Variants in CDH18 observed in about 807,000 individuals in gnomAD.
The protein encoded by CDH18 is cadherin 18, also known as cadherin-18.
Under a neutral mutation model 67.9 loss-of-function variants are expected in CDH18, and 31 were observed. The ratio of observed to expected loss-of-function variants is 0.46; its 90% CI spans 0.34 to 0.62. The LOEUF is 0.62. CDH18 is among the 20% of genes least tolerant of loss of function. The pLI is 0.01. For missense variants in CDH18, 890 were observed against 975.5 expected (o/e 0.91, Z 1.17); for synonymous variants, 362 against 347.2 (o/e 1.04, Z -0.48).
At chr5:19,630,048 T>C (rs1752183831) in intron 5 of CDH18, among the ~76,000 whole-genome samples, 2 of 152,144 alleles carry the variant, frequency 1.3e-5, no homozygotes, top group African/African-American at 4.8e-5. Context: ...GCAATTCTCC[T>C]GCCTCAGCCT....
intron 8 of CDH18, among the ~76,000 whole-genome samples, chr5:19,570,036 C>G (rs972159264): frequency 6.6e-6 from 1 of 151,978 alleles, no homozygotes; most frequent in Admixed American, 6.6e-5. Flanking sequence ...ATATCATGAC[C>G]TATCTCTATT....
chr5:20,173,942 A>C (rs1285569516), intron 2 of CDH18, among the ~76,000 whole-genome samples: 1 of 152,152 alleles, frequency 6.6e-6, no homozygotes, highest in Non-Finnish European at 1.5e-5. Flanking sequence ...AATTAATGCT[A>C]ACATGATTAA....
At chr5:19,850,401 A>G (rs1256860538) in intron 2 of CDH18, among the ~76,000 whole-genome samples, 1 of 151,888 alleles carries the variant, frequency 6.6e-6, no homozygotes, top group South Asian at 2.1e-4. Flanking sequence ...AATAATGTTT[A>G]GGGTAGATGT....
At chr5:20,502,270 A>G (rs1754381262) in intron 1 of CDH18, among the ~76,000 whole-genome samples, 2 of 152,206 alleles carry the variant, frequency 1.3e-5, no homozygotes, top group African/African-American at 4.8e-5. Context: ...GATTGATGCT[A>G]TAGATAAATA....
chr5:19,913,740 G>C (rs1418584921), intron 2 of CDH18, among the ~76,000 whole-genome samples: 1 of 152,104 alleles, frequency 6.6e-6, no homozygotes, highest in Non-Finnish European at 1.5e-5. Context: ...CCAGAAGTCT[G>C]AAACTCTAGA....
intron 3 of CDH18, among the ~76,000 whole-genome samples, chr5:19,779,508 C>T (rs1238509881): frequency 6.6e-6 from 1 of 152,130 alleles, no homozygotes; most frequent in Non-Finnish European, 1.5e-5. Context: ...GATCTGCTAT[C>T]CTCAATTCAT....
intron 5 of CDH18, among the ~76,000 whole-genome samples, chr5:19,666,866 C>T (rs6896450): frequency 0.9 from 137,166 of 152,044 alleles, 62,504 homozygotes; most frequent in Non-Finnish European, 0.96. Flanking sequence ...AAAAAAGTTA[C>T]CTGTGGCCTT....
intron 3 of CDH18, 92 bp from the exon 4 acceptor site, chr5:19,747,328 CTA>C: frequency 6.4e-6 from 7 of 1,091,530 alleles, no homozygotes; most frequent in Non-Finnish European, 9.2e-6. Context: ...ATTACTTTGG[CTA>C]TGACTTTTCT....
chr5:19,913,716 G>A (rs750588507), intron 2 of CDH18, among the ~76,000 whole-genome samples: 8 of 152,044 alleles, frequency 5.3e-5, no homozygotes, highest in Non-Finnish European at 8.8e-5. Flanking sequence ...AGATGGAGGG[G>A]AGACCTCCAC....
At chr5:20,117,232 A>C (rs933936736) in intron 2 of CDH18, among the ~76,000 whole-genome samples, 4 of 152,174 alleles carry the variant, frequency 2.6e-5, no homozygotes, top group African/African-American at 9.7e-5. Flanking sequence ...AATTAAAAGT[A>C]CATAAATGTA....
intron 2 of CDH18, among the ~76,000 whole-genome samples, chr5:20,172,223 T>TATATATATATATATAC (rs1554098639): frequency 9.6e-4 from 42 of 43,910 alleles, no homozygotes; most frequent in Non-Finnish European, 1.2e-3. Context: ...TATATATATA[T>TATATATATATATATAC]GTATATATAT....
At chr5:19,615,116 C>T (rs1749612043) in intron 5 of CDH18, among the ~76,000 whole-genome samples, 1 of 115,204 alleles carries the variant, frequency 8.7e-6, no homozygotes, top group Non-Finnish European at 2.1e-5. Context: ...CACTACACTC[C>T]AGCCCGGTGA....
At chr5:20,432,446 A>G (rs1203672034) in intron 1 of CDH18, among the ~76,000 whole-genome samples, 3 of 152,172 alleles carry the variant, frequency 2.0e-5, no homozygotes, top group Non-Finnish European at 4.4e-5. Context: ...TGTAATAAAC[A>G]TTTGTTGAAC....
At chr5:19,921,257 C>T (rs780520714) in intron 2 of CDH18, among the ~76,000 whole-genome samples, 5 of 152,174 alleles carry the variant, frequency 3.3e-5, no homozygotes, top group South Asian at 2.1e-4. Flanking sequence ...ACAGGCCGGG[C>T]ATAGTGGCTC....
intron 1 of CDH18, among the ~76,000 whole-genome samples, chr5:20,562,510 T>C (rs1433082633): frequency 6.6e-6 from 1 of 151,716 alleles, no homozygotes; most frequent in Non-Finnish European, 1.5e-5. Context: ...GAATACTGTA[T>C]ATGATAAAAA....
At chr5:19,791,364 C>T (rs1207269699) in intron 3 of CDH18, among the ~76,000 whole-genome samples, 1 of 149,482 alleles carries the variant, frequency 6.7e-6, no homozygotes, top group African/African-American at 2.4e-5. Flanking sequence ...TAAACACACA[C>T]ACACACACAC....
At chr5:19,551,586 G>T (rs1737458335) in intron 8 of CDH18, among the ~76,000 whole-genome samples, 1 of 152,116 alleles carries the variant, frequency 6.6e-6, no homozygotes, top group Non-Finnish European at 1.5e-5. Context: ...ACTTATGCTT[G>T]AGGGTTAAAT....
chr5:20,161,351 T>A (rs1735875965), intron 2 of CDH18, among the ~76,000 whole-genome samples: 1 of 152,142 alleles, frequency 6.6e-6, no homozygotes, highest in Admixed American at 6.5e-5. Flanking sequence ...ACCATGGAAG[T>A]TGATTGCTAA....
At chr5:20,364,849 CTG>C (rs1346324201) in intron 1 of CDH18, among the ~76,000 whole-genome samples, 1 of 152,054 alleles carries the variant, frequency 6.6e-6, no homozygotes, top group East Asian at 1.9e-4. Flanking sequence ...TTTGGAAAGA[CTG>C]TTAGTAGAAT....
Sources: gnomAD v4.1 joint callset for allele counts (sites outside exome capture counted in the v4.1 genomes callset) on GRCh38, gnomAD v4.1.1 for gene constraint, MANE v1.5 for transcripts, NCBI Gene and HGNC (gene_info 2026-07-23, HGNC 2026-07-21) for gene names.